The following ACOT11 variants were observed in gnomAD, a reference collection of about 807,000 sequenced individuals.
ACOT11 encodes acyl-coenzyme A thioesterase 11.
Under a neutral mutation model 77.5 loss-of-function variants are expected in ACOT11, and 69 were observed. The ratio of observed to expected loss-of-function variants is 0.89; its 90% CI spans 0.73 to 1.09. ACOT11 has a LOEUF of 1.09. ACOT11 is among the 50% of genes least tolerant of loss of function. The pLI is 0.00. For synonymous variants in ACOT11, 279 were observed against 313.0 expected, an observed-to-expected ratio of 0.89 and a Z score of 1.15; for missense variants, 766 against 813.7, an observed-to-expected ratio of 0.94 and a Z score of 0.71.
rs1163340695 is a variant in ACOT11, at chr1:54,585,881, C to T, written c.288C>T (p.Asp96=). ...GCPCVTASMD[D]IYFEHTISVG... is the part of the protein sequence containing the mutation. The stretch of plus-strand genomic sequence containing the variant: ...CCTGTGTCACAGCTTCCATGGATGA[C>T]ATCTATTTTGAGCACACCATTAGGT... Residue 96 remains aspartate (D), a synonymous_variant, in exon 3 of 16, where the codon GAC becomes GAT. Coordinates refer to ENST00000343744, the MANE Select transcript of ACOT11 (RefSeq NM_147161.4). 2 of 1,614,114 alleles carry T rather than the reference C, an allele frequency of 1.2e-6. No individual in the cohort carries two copies. Among genetic ancestry groups the T allele is most frequent in the African/African-American group, 1.3e-5 (1 of 75,036 alleles).
At chr1:54,614,809 G>A (rs1267922316), downstream of ACOT11, 2 of 1,614,036 alleles carry the variant, frequency 1.2e-6, no homozygotes, top group Non-Finnish European at 8.5e-7. Context: ...TGCCGCAGGA[G>A]GTCCAGGGAG....
chr1:54,635,276 G>A (rs923762541), exon 17 of ACOT11: 26 of 218,334 alleles, frequency 1.2e-4, no homozygotes, highest in African/African-American at 5.0e-4. Context: ...GCACCTCTCA[G>A]TCTGCATGCC....
At chr1:54,612,427 G>T, downstream of ACOT11, 1 of 1,265,224 alleles carries the variant, frequency 7.9e-7, no homozygotes, top group Non-Finnish European at 1.1e-6. Context: ...GAGCTTCTGG[G>T]ATCTTGCTGG....
chr1:54,607,325 C>G lies in ACOT11; in HGVS notation c.1502+60C>G. The G allele has an allele frequency of 6.3e-7, 1 of 1,595,624 alleles. No homozygotes were observed. Among genetic ancestry groups the G allele is most frequent in the Non-Finnish European group, 8.6e-7 (1 of 1,166,172 alleles). On this transcript the variant is annotated intron_variant, in intron 14 of 15. Coordinates refer to ENST00000343744, the MANE Select transcript of ACOT11 (RefSeq NM_147161.4). This position sits in a 1 kb window ranked among gnomAD's most constrained non-coding sequence, Gnocchi z 4.5. ...ACTGGACAGGGTGGTAGGGTGGCCG[C>G]TTCTCCCTCCCAGGGAAGGGCATCA...
rs1435549145 is a variant in ACOT11 at position 54,610,081 on chromosome 1, C to G, written c.*969C>G. On this transcript the variant is annotated 3_prime_UTR_variant, in exon 16 of 16. Transcript: ENST00000343744. ...TGGAATCTGTCAACCCAGTTTTGGG[C>G]TCCAGGTGGATGGGTTGCTTTATAA... The G allele has an allele frequency of 8.4e-6, 12 of 1,436,426 alleles. No homozygotes were observed. Among genetic ancestry groups the G allele is most frequent in the Non-Finnish European group, 1.1e-5 (12 of 1,100,576 alleles). The allele number at this position is 1,436,426 out of a possible 1,614,324, so 89.0% of individuals were successfully genotyped here. A position where few individuals can be genotyped will look rare whatever the true frequency, so the allele number is the denominator to read the frequency against.
intron 16 of ACOT11, chr1:54,634,543 AC>A (rs1644320022): frequency 1.8e-6 from 1 of 544,250 alleles, no homozygotes; most frequent in Non-Finnish European, 3.3e-6. Flanking sequence ...GATGATAAAA[AC>A]AAAAAAGGTG....
At position 54,607,945 on chromosome 1, in the gene ACOT11, C is replaced by T. The variant is rs537314597; in HGVS notation, c.1506C>T (p.Asp502=). 5 of 1,613,822 alleles carry T rather than the reference C, an allele frequency of 3.1e-6. No homozygotes were observed. Among genetic ancestry groups the T allele is most frequent in the Non-Finnish European group, 4.2e-6 (5 of 1,179,952 alleles). Residue 502 remains aspartate, a synonymous_variant, in exon 15 of 16, where the codon GAC becomes GAT. Coordinates refer to ENST00000343744, the MANE Select transcript of ACOT11 (RefSeq NM_147161.4). The surrounding 1 kb of genome is among the most constrained non-coding windows in gnomAD (Gnocchi z 4.5). The part of the protein sequence containing the change: ...ASRRKPCDNG[D]PYVIALRSVT... ...TTGCTACCCTTCCTTCACTCAGGGA[C>T]CCCTATGTCATCGCGCTGAGGTCGG... is the stretch of plus-strand genomic sequence containing the variant.
chr1:54,610,265 C>T lies in ACOT11; in HGVS notation c.*1153C>T. ...TGACATCACTGTACTCCCTCTCCCT[C>T]CCCGCAACCCTGCCCCACCTTGCAT... On this transcript the variant is annotated 3_prime_UTR_variant, in exon 16 of 16. Transcript: ENST00000343744. 1.3e-6 allele frequency: 2 copies of T among 1,482,684 alleles called. No homozygotes were observed. Among genetic ancestry groups the T allele is most frequent in the Non-Finnish European group, 1.8e-6 (2 of 1,123,104 alleles). The allele number at this position is 1,482,684 out of a possible 1,614,324, so 91.8% of individuals were successfully genotyped here. A position where few individuals can be genotyped will look rare whatever the true frequency, so the allele number is the denominator to read the frequency against.
At chr1:54,589,479 T>C (rs964883272) in intron 3 of ACOT11, among the ~76,000 whole-genome samples, 5 of 152,168 alleles carry the variant, frequency 3.3e-5, no homozygotes, top group African/African-American at 1.2e-4. Flanking sequence ...TTGCAGTTAT[T>C]TATTTTTTCA....
downstream of ACOT11, chr1:54,610,971 CATT>C (rs1219563668): frequency 1.0e-5 from 10 of 985,236 alleles, no homozygotes; most frequent in East Asian, 9.1e-4. Context: ...GCCTCTGAAA[CATT>C]AGAGTAACCA....
intron 1 of ACOT11, among the ~76,000 whole-genome samples, chr1:54,571,071 C>CT (rs1553162279): frequency 0.12 from 17,465 of 141,758 alleles, 1,609 homozygotes; most frequent in African/African-American, 0.26. Flanking sequence ...TTCTCTCTCT[C>CT]TTTTTTTTTT....
rs1644035382 is a variant in ACOT11, at chr1:54,607,126, C to T, written c.1371-8C>T. 2.5e-6 allele frequency: 4 copies of T among 1,613,862 alleles called. No homozygotes were observed. The highest frequency in any genetic ancestry group is 2.2e-5 in the South Asian group (2 of 91,084). On this transcript the variant is annotated splice_region_variant and splice_polypyrimidine_tract_variant and intron_variant, in intron 13 of 15. Transcript: ENST00000343744. The surrounding 1 kb of genome is among the most constrained non-coding windows in gnomAD (Gnocchi z 4.5). ...TCCTGGGGCACTGAGATCCCGGCCT[C>T]CCCACAGGAGCGTGGAGCTAGTGCA...
downstream of ACOT11, among the ~76,000 whole-genome samples, chr1:54,614,032 G>A (rs1446569380): frequency 6.6e-6 from 1 of 152,168 alleles, no homozygotes; most frequent in Admixed American, 6.5e-5. Flanking sequence ...TGCAAGTCAA[G>A]TGCTTAAAAC....
intron 1 of ACOT11, among the ~76,000 whole-genome samples, chr1:54,562,504 A>C (rs1313142903): frequency 4.2e-5 from 2 of 47,068 alleles, no homozygotes; most frequent in African/African-American, 1.1e-4. Context: ...TGACCCCCCC[A>C]CCTCCCTCCC....
At chr1:54,590,308 G>T (rs544084962) in intron 3 of ACOT11, among the ~76,000 whole-genome samples, 3 of 151,208 alleles carry the variant, frequency 2.0e-5, no homozygotes, top group Non-Finnish European at 4.4e-5. Context: ...GGAAGGTCTC[G>T]ATGGGGGTCA....
chr1:54,610,799 C>T, downstream of ACOT11: 1 of 984,778 alleles, frequency 1.0e-6, no homozygotes, highest in Non-Finnish European at 1.2e-6. Flanking sequence ...GGCTCCAGAG[C>T]TGGTATCCTT....
At chr1:54,560,736 T>TC (rs1653442672) in intron 1 of ACOT11, among the ~76,000 whole-genome samples, 1 of 151,958 alleles carries the variant, frequency 6.6e-6, no homozygotes, top group Admixed American at 6.6e-5. Context: ...ATTTTTTTTT[T>TC]TTTGAGACAG....
intron 1 of ACOT11, among the ~76,000 whole-genome samples, chr1:54,559,614 A>G (rs1243907591): frequency 6.6e-6 from 1 of 150,706 alleles, no homozygotes; most frequent in Non-Finnish European, 1.5e-5. Context: ...TTTCCATCTC[A>G]TGTGAACCTC....
At position 54,618,225 on chromosome 1, in the gene ACOT11, C is replaced by T. The variant is rs113942488; in HGVS notation, c.1629+10157C>T. Among the ~76,000 whole-genome samples, 724 of 152,270 alleles carry T rather than the reference C, an allele frequency of 4.8e-3. 3 individuals carry two copies. Among genetic ancestry groups the T allele is most frequent in the Middle Eastern group, 0.017 (5 of 294 alleles). ...GGCTTAAAAAAATCACCTCCTCAGC[C>T]GGGCGCGGTGGCTCAGACCTGTAAT... On this transcript the variant is annotated intron_variant, in intron 15 of 16. Coordinates refer to the ACOT11 transcript ENST00000371316.
Sources: gnomAD v4.1 joint callset for allele counts (sites outside exome capture counted in the v4.1 genomes callset) on GRCh38, gnomAD v4.1.1 for gene constraint, Gnocchi (gnomAD v3.1) non-coding constraint, MANE v1.5 for transcripts, NCBI Gene and HGNC (gene_info 2026-07-23, HGNC 2026-07-21) for gene names.